Variants in ZNF677 observed in about 807,000 individuals in gnomAD.
The protein encoded by ZNF677 is zinc finger protein 677, also known as hypothetical protein MGC48625.
In ZNF677, 5 loss-of-function variants were observed where a neutral mutation model predicts 8.1. The ratio of observed to expected loss-of-function variants is 0.62; its 90% confidence interval spans 0.32 to 1.29. ZNF677 has a LOEUF of 1.29. Ranked by LOEUF, ZNF677 falls within the 50% of genes most tolerant of loss-of-function variation. ZNF677 has a pLI of 0.05. For synonymous variants in ZNF677, 221 were observed against 225.6 expected (o/e 0.98, Z 0.18); for missense variants, 685 against 685.9 (o/e 1.00, Z 0.01).
chr19:53,252,892 G>C (rs1369917712), intron 2 of ZNF677, among the ~76,000 whole-genome samples, 194 bp downstream of exon 2: 1 of 152,128 alleles, frequency 6.6e-6, no homozygotes, highest in Admixed American at 6.6e-5. Context: ...AAAAATCCAG[G>C]TATAACTTTT....
At chr19:53,251,446 C>T (rs2091232093) in intron 3 of ZNF677, 90 bp downstream of exon 3, 6 of 1,037,220 alleles carry the variant, frequency 5.8e-6, no homozygotes, top group Non-Finnish European at 9.1e-6. Context: ...TTAGTCAGGA[C>T]ACTTCAGAGT....
rs943391734 is a variant in ZNF677 at position 53,237,139 on chromosome 19, G to A, written c.1588C>T (p.Leu530Phe). 1.9e-6 allele frequency: 3 copies of A among 1,613,580 alleles called. No individual in the cohort carries two copies. Among genetic ancestry groups the A allele is most frequent in the Admixed American group, 1.7e-5 (1 of 59,944 alleles). Residue 530 changes from leucine (L) to phenylalanine (F), a missense_variant, in exon 5 of 5, where the codon CTC (leucine) becomes TTC (phenylalanine). Physicochemically the swap from Leu to Phe is conservative, Grantham distance 22. Transcript: ENST00000598513. ...CGKAFTQFAN[L>F]TRHQKIHIEK... Reference sequence around the variant, plus strand: ...ATGTGTATTTTCTGGTGTCTAGTGAGGTTTGCAAATTGGGTAAAAGCTTTG... The same window carrying A: ...ATGTGTATTTTCTGGTGTCTAGTGAAGTTTGCAAATTGGGTAAAAGCTTTG...
In ZNF677 at chr19:53,238,571, A is replaced by C. The variant is rs2091002713; in HGVS notation, c.170-14T>G. 6.6e-7 allele frequency: 1 copy of C among 1,526,200 alleles called. No individual in the cohort carries two copies. Among genetic ancestry groups the C allele is most frequent in the Middle Eastern group, 1.7e-4 (1 of 5,724 alleles). 94.5% of individuals were successfully genotyped at this position (1,526,200 alleles called of 1,614,324 possible). On this transcript the variant is annotated splice_polypyrimidine_tract_variant and intron_variant, in intron 4 of 4. Coordinates refer to ENST00000598513, the MANE Select transcript of ZNF677 (RefSeq NM_182609.4). ...CAACAGAAATATCTGAAAGATATTA[A>C]AAAAACCACAGGCTTTCCATCAAAT... is the stretch of plus-strand genomic sequence containing the variant.
rs12984473 is a variant in ZNF677, at chr19:53,237,935, C to T, written c.792G>A (p.Lys264=). 0.43 allele frequency: 695,829 copies of T among 1,611,614 alleles called. 155,688 individuals carry two copies. Among genetic ancestry groups the T allele is most frequent in the East Asian group, 0.76 (34,111 of 44,864 alleles). Residue 264 remains lysine, a synonymous_variant, in exon 5 of 5, where the codon AAG becomes AAA. Transcript: ENST00000598513. ...TAAAAGCCTTTCCACAGTCATTACA[C>T]TTGTATGATTTTTCTCTAATGTGTG... The part of the protein sequence containing the change: ...GRTHIREKSY[K]CNDCGKAFSK...
intron 2 of ZNF677, among the ~76,000 whole-genome samples, chr19:53,252,572 CCAGAAAA>C (rs1300847705): frequency 6.6e-6 from 1 of 152,102 alleles, no homozygotes; most frequent in Non-Finnish European, 1.5e-5. Flanking sequence ...TAACTCTTTT[CCAGAAAA>C]ATATTCAAAA....
chr19:53,251,545 A>T lies in ZNF677; in HGVS notation c.6T>A (p.Ala2=). M[A]LSQGLFTFKD... is the part of the protein sequence containing the mutation. ...AGAATATAACTTTTACCTGAGAAAG[A>T]GCCATTCCCTCCTCTTCTTTCTTTC... Residue 2 remains alanine (A), a synonymous_variant, in exon 3 of 5, where the codon GCT becomes GCA. Transcript: ENST00000598513. 6.2e-7 allele frequency: 1 copy of T among 1,613,726 alleles called. No homozygotes were observed. The highest frequency in any genetic ancestry group is 8.5e-7 in the Non-Finnish European group (1 of 1,179,638).
intron 3 of ZNF677, among the ~76,000 whole-genome samples, chr19:53,245,528 T>G (rs757365288): frequency 1.3e-5 from 2 of 152,082 alleles, no homozygotes; most frequent in Non-Finnish European, 2.9e-5. Flanking sequence ...CATGAAAAGG[T>G]GCTCAATATC....
chr19:53,247,096 C>T (rs1489503470), intron 3 of ZNF677, among the ~76,000 whole-genome samples: 1 of 151,952 alleles, frequency 6.6e-6, no homozygotes, highest in Non-Finnish European at 1.5e-5. Flanking sequence ...TATTGATTTC[C>T]AGTTTCACTC....
At chr19:53,246,317 C>CGAAAAAAAA (rs1599921763) in intron 3 of ZNF677, among the ~76,000 whole-genome samples, 2 of 122,174 alleles carry the variant, frequency 1.6e-5, no homozygotes, top group African/African-American at 6.7e-5. Context: ...GACTCCGTCC[C>CGAAAAAAAA]AAAAAAAAAG....
Position 53,236,943 on chromosome 19 carries a change from G to T in ZNF677, c.*29C>A, listed in dbSNP as rs1162244853. 5 of 1,516,062 alleles carry T rather than the reference G, an allele frequency of 3.3e-6. No homozygotes were observed. Among genetic ancestry groups the T allele is most frequent in the Non-Finnish European group, 3.5e-6 (4 of 1,139,310 alleles). The allele number at this position is 1,516,062 out of a possible 1,614,324, so 93.9% of individuals were successfully genotyped here. On this transcript the variant is annotated 3_prime_UTR_variant, in exon 5 of 5. Transcript: ENST00000598513. The stretch of plus-strand genomic sequence containing the variant: ...GCTTTACCACATTTTCGTTTTATAT[G>T]GTTTCTTTTCACAATGGAGCCCCTG...
In ZNF677 at chr19:53,237,153, G is replaced by GT. The variant is rs566714089; in HGVS notation, c.1573dup (p.Thr525AsnfsTer8). 8,782 of 1,613,358 alleles carry GT rather than the reference G, an allele frequency of 5.4e-3. 42 individuals are homozygous for GT. The highest frequency in any genetic ancestry group is 6.6e-3 in the Non-Finnish European group (7,809 of 1,179,806). On this transcript the variant is annotated frameshift_variant, in exon 5 of 5. Transcript: ENST00000598513. LOFTEE classifies it low-confidence loss of function (END_TRUNC). ...GTGTCTAGTGAGGTTTGCAAATTGG[G>GT]TAAAAGCTTTGCCACATTCAGTACA... is the stretch of plus-strand genomic sequence containing the variant.
chr19:53,240,730 T>A (rs1271644923), intron 4 of ZNF677: 1 of 152,196 alleles, frequency 6.6e-6, no homozygotes, highest in East Asian at 1.9e-4. Flanking sequence ...TTTAGGGCAG[T>A]GTAATTATTC....
chr19:53,250,298 G>C (rs1297480007), intron 3 of ZNF677, among the ~76,000 whole-genome samples: 1 of 152,192 alleles, frequency 6.6e-6, no homozygotes, highest in Non-Finnish European at 1.5e-5. Context: ...ACAGTGTGGT[G>C]ATTCCTCAAA....
intron 2 of ZNF677, among the ~76,000 whole-genome samples, 181 bp from the exon 3 acceptor site, chr19:53,251,786 A>G (rs1174127778): frequency 1.3e-5 from 2 of 152,152 alleles, no homozygotes; most frequent in Admixed American, 1.3e-4. Context: ...GAGTTATTCC[A>G]CCTATGTCTT....
chr19:53,246,057 GC>G, intron 3 of ZNF677, among the ~76,000 whole-genome samples: 1 of 151,206 alleles, frequency 6.6e-6, no homozygotes, highest in East Asian at 2.0e-4. Context: ...AGTGGCTCAC[GC>G]CTGTAATCCC....
Position 53,237,923 on chromosome 19 carries a change from A to C in ZNF677, c.804T>G (p.Cys268Trp). 2 of 1,612,464 alleles carry C rather than the reference A, an allele frequency of 1.2e-6. No homozygotes were observed. Among genetic ancestry groups the C allele is most frequent in the South Asian group, 2.2e-5 (2 of 91,084 alleles). The change falls in exon 5 of 5, where the codon TGT becomes TGG. Residue 268 changes from cysteine (C) to tryptophan (W), a missense_variant. Cys to Trp is a radical substitution (Grantham distance 215). Coordinates refer to ENST00000598513, the MANE Select transcript of ZNF677 (RefSeq NM_182609.4). ...IREKSYKCND[C>W]GKAFSKSSNL... ...TCGAACTTTTGCTAAAAGCCTTTCC[A>C]CAGTCATTACACTTGTATGATTTTT... is the stretch of plus-strand genomic sequence containing the variant.
chr19:53,248,227 G>T (rs2091177912), intron 3 of ZNF677, among the ~76,000 whole-genome samples: 1 of 152,076 alleles, frequency 6.6e-6, no homozygotes, highest in African/African-American at 2.4e-5. Flanking sequence ...AACAACTTCT[G>T]TTTCTATATA....
chr19:53,245,065 G>A (rs2091114652), intron 3 of ZNF677, among the ~76,000 whole-genome samples: 1 of 152,014 alleles, frequency 6.6e-6, no homozygotes, highest in Non-Finnish European at 1.5e-5. Flanking sequence ...GAATGAAACT[G>A]GATGCTTATC....
intron 2 of ZNF677, among the ~76,000 whole-genome samples, chr19:53,252,795 G>A (rs73935301): frequency 6.6e-6 from 1 of 152,238 alleles, no homozygotes; most frequent in African/African-American, 2.4e-5. Flanking sequence ...GCTTTTAGAT[G>A]ACATAAGGGA....
Sources: gnomAD v4.1 joint callset for allele counts (sites outside exome capture counted in the v4.1 genomes callset) on GRCh38, gnomAD v4.1.1 for gene constraint, MANE v1.5 for transcripts, NCBI Gene and HGNC (gene_info 2026-07-23, HGNC 2026-07-21) for gene names.